The following ROBO1 variants were observed in gnomAD, a reference collection of about 807,000 sequenced individuals.
ROBO1 encodes roundabout guidance receptor 1.
In ROBO1, 149 loss-of-function variants were observed where a neutral mutation model predicts 195.9. The ratio of observed to expected loss-of-function variants is 0.76; its 90% CI spans 0.67 to 0.87. The LOEUF is 0.87. Among genes scored for constraint, ROBO1 ranks in the 40% least tolerant of loss-of-function variants. The probability of loss-of-function intolerance (pLI) is 0.00; values close to 1 mark genes in which losing one functional copy is unlikely to be tolerated. For synonymous variants in ROBO1, 816 were observed against 733.2 expected, an observed-to-expected ratio of 1.11 and a Z score of -1.82; for missense variants, 1,933 against 2,068.3, an observed-to-expected ratio of 0.93 and a Z score of 1.27.
intron 3 of ROBO1, among the ~76,000 whole-genome samples, chr3:79,107,127 T>TCA (rs369021063): frequency 0.079 from 10,829 of 136,398 alleles, 422 homozygotes; most frequent in Middle Eastern, 0.09. Flanking sequence ...TCTCTCTCTC[T>TCA]CACACACACA....
chr3:79,159,640 C>T (rs1244241995), intron 2 of ROBO1, among the ~76,000 whole-genome samples: 1 of 151,972 alleles, frequency 6.6e-6, no homozygotes, highest in African/African-American at 2.4e-5. Context: ...TGCAAATTGG[C>T]AAATTAATAG....
At chr3:78,641,257 C>G (rs1705932489) in intron 21 of ROBO1, among the ~76,000 whole-genome samples, 1 of 152,096 alleles carries the variant, frequency 6.6e-6, no homozygotes, top group African/African-American at 2.4e-5. Context: ...TGCATGGTTA[C>G]TTAAAGTGAG....
intron 10 of ROBO1, among the ~76,000 whole-genome samples, chr3:78,673,605 T>TATATATATATATATATAC (rs779997525): frequency 1.9e-5 from 1 of 53,282 alleles, no homozygotes; most frequent in Non-Finnish European, 3.5e-5. Flanking sequence ...TATATATATA[T>TATATATATATATATATAC]ACACACATAT....
At chr3:79,157,439 A>G (rs570013379) in intron 2 of ROBO1, among the ~76,000 whole-genome samples, 18 of 152,026 alleles carry the variant, frequency 1.2e-4, no homozygotes, top group Admixed American at 4.6e-4. Flanking sequence ...GCCTCAGCTC[A>G]GGCCAGAGAG....
chr3:79,467,958 AG>A lies in ROBO1; in HGVS notation c.88+121865del, dbSNP rs376812738. Reference sequence around the variant, plus strand: ...GTGGCATATCCTGTGAGCGGAGGTTAGGGAACTCTCCCATCTCACCAGCACA... The same window carrying A: ...GTGGCATATCCTGTGAGCGGAGGTTAGGAACTCTCCCATCTCACCAGCACA... On this transcript the variant is annotated intron_variant, in intron 2 of 30. Coordinates refer to ENST00000464233, the MANE Select transcript of ROBO1 (RefSeq NM_002941.4). 7.5e-4 allele frequency among the ~76,000 whole-genome samples: 115 copies of A among 152,342 alleles called. 4 individuals carry two copies. The South Asian group carries it at 0.023, about 31-fold the overall frequency.
intron 10 of ROBO1, among the ~76,000 whole-genome samples, chr3:78,682,581 CAG>C (rs568816228): frequency 7.6e-4 from 111 of 145,782 alleles, no homozygotes; most frequent in South Asian, 5.5e-3. Flanking sequence ...CACATATATA[CAG>C]AGTCATGTCA....
intron 1 of ROBO1, among the ~76,000 whole-genome samples, chr3:79,734,040 C>T (rs1390715616): frequency 3.3e-5 from 5 of 151,830 alleles, no homozygotes; most frequent in African/African-American, 4.8e-5. Context: ...CTCCGCCTCC[C>T]GGGTTCAAGC....
intron 2 of ROBO1, among the ~76,000 whole-genome samples, chr3:79,435,986 T>A (rs372167381): frequency 2.0e-5 from 3 of 152,270 alleles, no homozygotes; most frequent in African/African-American, 7.2e-5. Flanking sequence ...ATTGTGAGAA[T>A]CAGAGTCACT....
intron 5 of ROBO1, among the ~76,000 whole-genome samples, chr3:78,737,772 T>G (rs1188976955): frequency 6.6e-6 from 1 of 152,198 alleles, no homozygotes; most frequent in Non-Finnish European, 1.5e-5. Context: ...AAAGTTGTGT[T>G]GACTTACCAT....
chr3:79,315,517 T>A (rs2109109176), intron 2 of ROBO1, among the ~76,000 whole-genome samples: 1 of 152,234 alleles, frequency 6.6e-6, no homozygotes, highest in East Asian at 1.9e-4. Flanking sequence ...CAAAGTGCTG[T>A]ATGAGAAGAT....
chr3:78,726,824 A>C (rs557284338), intron 5 of ROBO1, among the ~76,000 whole-genome samples: 1 of 152,184 alleles, frequency 6.6e-6, no homozygotes, highest in Non-Finnish European at 1.5e-5. Flanking sequence ...TCCTTTCAAC[A>C]GAAACATTTG....
chr3:79,612,223 T>C (rs1249513034), intron 1 of ROBO1, among the ~76,000 whole-genome samples: 3 of 147,822 alleles, frequency 2.0e-5, no homozygotes, highest in Non-Finnish European at 3.0e-5. Flanking sequence ...TATTCCCCTT[T>C]CTGTGTCCAT....
At chr3:78,844,549 T>C (rs955838961) in intron 4 of ROBO1, among the ~76,000 whole-genome samples, 1 of 152,074 alleles carries the variant, frequency 6.6e-6, no homozygotes, top group Non-Finnish European at 1.5e-5. Flanking sequence ...GTGTTGACCA[T>C]GGCAAAAGAT....
intron 2 of ROBO1, among the ~76,000 whole-genome samples, chr3:79,256,266 G>A (rs2082831947): frequency 6.6e-6 from 1 of 152,030 alleles, no homozygotes; most frequent in South Asian, 2.1e-4. Context: ...TTCTAATTCG[G>A]AAGAATCACC....
chr3:78,965,711 A>C (rs148284007), intron 3 of ROBO1, among the ~76,000 whole-genome samples: 1 of 152,332 alleles, frequency 6.6e-6, no homozygotes, highest in African/African-American at 2.4e-5. Context: ...CTGCTTCTAC[A>C]TAAAACAGTA....
At chr3:79,005,283 G>A (rs538334922) in intron 3 of ROBO1, among the ~76,000 whole-genome samples, 32 of 152,186 alleles carry the variant, frequency 2.1e-4, no homozygotes, top group South Asian at 1.0e-3. Context: ...GCCTGTGAGC[G>A]TCTCATATGA....
At chr3:79,250,308 G>A (rs1337016580) in intron 2 of ROBO1, among the ~76,000 whole-genome samples, 1 of 152,088 alleles carries the variant, frequency 6.6e-6, no homozygotes, top group East Asian at 1.9e-4. Flanking sequence ...GTACTGCTTA[G>A]GTAAATAAAT....
chr3:78,894,046 C>T (rs2037082883), intron 4 of ROBO1, among the ~76,000 whole-genome samples: 1 of 152,134 alleles, frequency 6.6e-6, no homozygotes, highest in Admixed American at 6.6e-5. Context: ...CTTTTCAACG[C>T]TTAGCCGAAT....
In ROBO1 at chr3:78,660,703, T is replaced by A. The variant is rs150118639; in HGVS notation, c.2320+327A>T. On this transcript the variant is annotated intron_variant, in intron 16 of 30. Transcript: ENST00000464233. ...ATCAAAATAAACAAATAGAAAATGC[T>A]GAATGGAAAATAAACCAAACGGAAA... The A allele has an allele frequency of 2.9e-3, 568 of 198,832 alleles. 4 individuals carry two copies. The highest frequency in any genetic ancestry group is 0.017 in the Middle Eastern group (8 of 480). 12.3% of individuals were successfully genotyped at this position (198,832 alleles called of 1,614,324 possible).
Sources: gnomAD v4.1 joint callset for allele counts (sites outside exome capture counted in the v4.1 genomes callset) on GRCh38, gnomAD v4.1.1 for gene constraint, MANE v1.5 for transcripts, NCBI Gene and HGNC (gene_info 2026-07-23, HGNC 2026-07-21) for gene names.